The following MTRF1 variants were observed in gnomAD, a reference collection of about 807,000 sequenced individuals.
The protein encoded by MTRF1 is mitochondrial translation release factor 1.
Under a neutral mutation model 62.9 loss-of-function variants are expected in MTRF1, and 51 were observed. The observed-to-expected ratio is 0.81, with a 90% CI of 0.65 to 1.02. MTRF1 has a LOEUF of 1.02. MTRF1 is among the 50% of genes least tolerant of loss of function. The pLI is 0.00. For synonymous variants in MTRF1, 158 were observed against 181.9 expected, an observed-to-expected ratio of 0.87 and a Z score of 1.06; for missense variants, 446 against 530.0, an observed-to-expected ratio of 0.84 and a Z score of 1.56.
chr13:41,248,474 G>C (rs1476108243), intron 5 of MTRF1, among the ~76,000 whole-genome samples: 2 of 152,152 alleles, frequency 1.3e-5, no homozygotes, highest in African/African-American at 4.8e-5. Flanking sequence ...CTACTACTTG[G>C]TGTTTGGCAG....
the MTRF1 span, among the ~76,000 whole-genome samples, chr13:41,303,808 T>C: frequency 6.6e-6 from 1 of 152,234 alleles, no homozygotes; most frequent in East Asian, 1.9e-4. Flanking sequence ...GCACTCCTAA[T>C]TTTGCTTTAA....
the MTRF1 span, among the ~76,000 whole-genome samples, chr13:41,270,870 TGGG>T: frequency 3.9e-5 from 6 of 152,128 alleles, no homozygotes; most frequent in Admixed American, 2.0e-4. Flanking sequence ...CTCAAGTAGC[TGGG>T]ATTACAGGCA....
chr13:41,250,069 C>G (rs1048117731), intron 5 of MTRF1, among the ~76,000 whole-genome samples: 1 of 152,048 alleles, frequency 6.6e-6, no homozygotes, highest in Non-Finnish European at 1.5e-5. Context: ...GGCTGCTATA[C>G]AAACCTGGAA....
intron 7 of MTRF1, among the ~76,000 whole-genome samples, chr13:41,230,756 C>A (rs1555249941): frequency 6.9e-6 from 1 of 145,530 alleles, no homozygotes; most frequent in African/African-American, 2.5e-5. Flanking sequence ...GAGTTTTGCT[C>A]TTGTTGCCCA....
At chr13:41,279,561 G>A in the MTRF1 span, among the ~76,000 whole-genome samples, 1 of 152,118 alleles carries the variant, frequency 6.6e-6, no homozygotes, top group Non-Finnish European at 1.5e-5. Context: ...TATTACCTAA[G>A]GGGTGTAGGG....
intron 8 of MTRF1, among the ~76,000 whole-genome samples, chr13:41,225,219 A>AC (rs1331858500): frequency 6.6e-6 from 1 of 151,792 alleles, no homozygotes; most frequent in Non-Finnish European, 1.5e-5. Flanking sequence ...CAAAAAAAAA[A>AC]AAAAAAAAAC....
chr13:41,267,372 C>T (rs949103203), upstream of MTRF1, among the ~76,000 whole-genome samples: 1 of 152,040 alleles, frequency 6.6e-6, no homozygotes, highest in Admixed American at 6.6e-5. Flanking sequence ...GTTATGTGTA[C>T]TTTGCTTATG....
At chr13:41,287,994 G>T in the MTRF1 span, 1 of 370,194 alleles carries the variant, frequency 2.7e-6, no homozygotes, top group Non-Finnish European at 5.4e-6. Flanking sequence ...AAGAATGATG[G>T]GAGTGTTGGG....
chr13:41,219,560 A>G (rs550140713), intron 9 of MTRF1, among the ~76,000 whole-genome samples: 10 of 152,066 alleles, frequency 6.6e-5, no homozygotes, highest in Non-Finnish European at 1.2e-4. Context: ...GAAGGAGAAG[A>G]AAGGAAGGAT....
intron 7 of MTRF1, among the ~76,000 whole-genome samples, chr13:41,232,002 AGTCACAGCTGCAGTGAG>A (rs1770018459): frequency 6.6e-6 from 1 of 151,984 alleles, no homozygotes; most frequent in African/African-American, 2.4e-5. Context: ...AGCCTGGGAA[AGTCACAGCTGCAGTGAG>A]CTGTGATCAC....
intron 9 of MTRF1, among the ~76,000 whole-genome samples, chr13:41,220,941 G>C (rs577822895): frequency 2.0e-5 from 3 of 152,226 alleles, no homozygotes; most frequent in South Asian, 2.1e-4. Context: ...TCAGGATCAC[G>C]ATCATGTAAG....
At chr13:41,256,576 G>A (rs577196804) in intron 2 of MTRF1, among the ~76,000 whole-genome samples, 4 of 151,972 alleles carry the variant, frequency 2.6e-5, no homozygotes, top group South Asian at 2.1e-4. Context: ...CACCCGCCCC[G>A]GCCTCCCAAA....
intron 2 of MTRF1, 63 bp from the exon 3 acceptor site, chr13:41,254,683 A>T: frequency 8.1e-7 from 1 of 1,236,326 alleles, no homozygotes. Flanking sequence ...ACTCCTAAGT[A>T]GCCATGTTCC....
At chr13:41,236,275 C>A (rs2138889050) in intron 6 of MTRF1, 1 of 152,246 alleles carries the variant, frequency 6.6e-6, no homozygotes, top group African/African-American at 2.4e-5. Context: ...GCCATCACTA[C>A]CAGCTACTTT....
intron 5 of MTRF1, among the ~76,000 whole-genome samples, chr13:41,241,118 C>T (rs750524720): frequency 2.6e-5 from 4 of 152,122 alleles, no homozygotes; most frequent in Non-Finnish European, 4.4e-5. Context: ...AATCTCGGCT[C>T]GCTACAACCT....
chr13:41,300,526 C>A, the MTRF1 span, among the ~76,000 whole-genome samples: 12 of 149,954 alleles, frequency 8.0e-5, no homozygotes, highest in African/African-American at 3.0e-4. Context: ...GCGGAGCTTG[C>A]AGTGAGCTGA....
the MTRF1 span, among the ~76,000 whole-genome samples, chr13:41,281,454 C>G: frequency 6.6e-6 from 1 of 152,064 alleles, no homozygotes; most frequent in Non-Finnish European, 1.5e-5. Flanking sequence ...GAGTCAATGT[C>G]TATTCCTGTG....
At chr13:41,275,275 G>T in the MTRF1 span, among the ~76,000 whole-genome samples, 1 of 146,584 alleles carries the variant, frequency 6.8e-6, no homozygotes. Context: ...ATCTCAGCTC[G>T]CTGCAAGCTC....
the MTRF1 span, among the ~76,000 whole-genome samples, chr13:41,289,504 AG>A: frequency 6.6e-6 from 1 of 152,158 alleles, no homozygotes; most frequent in Non-Finnish European, 1.5e-5. Flanking sequence ...TCAAAGTGCT[AG>A]GATTACAGGC....
Sources: gnomAD v4.1 joint callset for allele counts (sites outside exome capture counted in the v4.1 genomes callset) on GRCh38, gnomAD v4.1.1 for gene constraint, MANE v1.5 for transcripts, NCBI Gene and HGNC (gene_info 2026-07-23, HGNC 2026-07-21) for gene names.